SKIC3: variants seen among roughly 807,000 people sequenced by gnomAD.
The protein encoded by SKIC3 is SKI3 subunit of superkiller complex, also known as superkiller complex protein 3.
the SKIC3 span, chr5:95,523,542 G>T: frequency 7.6e-7 from 1 of 1,314,636 alleles, no homozygotes; most frequent in Non-Finnish European, 1.0e-6. Context: ...TATTTATATT[G>T]CACCTATAGA....
the SKIC3 span, among the ~76,000 whole-genome samples, chr5:95,466,469 C>A: frequency 3.9e-5 from 6 of 152,158 alleles, no homozygotes; most frequent in Admixed American, 2.0e-4. Flanking sequence ...CAGTACCCAC[C>A]CTCAACCCAC....
chr5:95,517,390 ATTAC>A, the SKIC3 span: 1 of 1,540,742 alleles, frequency 6.5e-7, no homozygotes, highest in Non-Finnish European at 8.8e-7. Context: ...CTCCCTGATT[ATTAC>A]TTAAAACAGA....
the SKIC3 span, among the ~76,000 whole-genome samples, chr5:95,466,678 C>T: frequency 1.6e-3 from 247 of 152,304 alleles, no homozygotes; most frequent in Non-Finnish European, 3.1e-3. Context: ...TGGACATTCT[C>T]TCCTTTGGTT....
the SKIC3 span, among the ~76,000 whole-genome samples, chr5:95,503,252 T>C: frequency 3.3e-5 from 5 of 152,218 alleles, no homozygotes; most frequent in African/African-American, 9.6e-5. Context: ...GGAATCTATA[T>C]GGGGATCTAG....
chr5:95,548,411 T>C, the SKIC3 span: 1 of 151,988 alleles, frequency 6.6e-6, no homozygotes, highest in Non-Finnish European at 1.5e-5. Flanking sequence ...TTCAAAATAA[T>C]AGAAAAATTA....
the SKIC3 span, chr5:95,525,729 T>C: frequency 6.5e-7 from 1 of 1,537,336 alleles, no homozygotes; most frequent in African/African-American, 1.4e-5. Flanking sequence ...ACCACAGCAA[T>C]GTTTGCTTTA....
At chr5:95,474,208 C>A in the SKIC3 span, among the ~76,000 whole-genome samples, 1 of 152,122 alleles carries the variant, frequency 6.6e-6, no homozygotes, top group African/African-American at 2.4e-5. Context: ...TGTCAAAGAT[C>A]AGATGGTTGT....
At chr5:95,522,068 A>C in the SKIC3 span, 1 of 1,613,602 alleles carries the variant, frequency 6.2e-7, no homozygotes, top group Non-Finnish European at 8.5e-7. Context: ...TAAAGCAGGC[A>C]CATAATCTTC....
At chr5:95,505,674 G>A in the SKIC3 span, among the ~76,000 whole-genome samples, 8 of 152,068 alleles carry the variant, frequency 5.3e-5, no homozygotes, top group East Asian at 1.9e-4. Flanking sequence ...TTAGCTGGGC[G>A]TGGTGGTGGG....
chr5:95,530,550 G>C, the SKIC3 span, among the ~76,000 whole-genome samples: 1 of 152,134 alleles, frequency 6.6e-6, no homozygotes, highest in Non-Finnish European at 1.5e-5. Context: ...GTCAAATGAA[G>C]GAGCCCTTGT....
chr5:95,541,360 C>T, the SKIC3 span: 1 of 1,613,730 alleles, frequency 6.2e-7, no homozygotes, highest in South Asian at 1.1e-5. Flanking sequence ...GCAGACATCA[C>T]ACCACTTCTG....
the SKIC3 span, chr5:95,528,863 T>C: frequency 6.8e-6 from 5 of 738,706 alleles, no homozygotes; most frequent in South Asian, 6.7e-5. Flanking sequence ...TTATTTAAAC[T>C]TATTGAAATT....
the SKIC3 span, among the ~76,000 whole-genome samples, chr5:95,524,970 A>AC: frequency 2.0e-5 from 3 of 151,694 alleles, no homozygotes; most frequent in South Asian, 6.3e-4. Flanking sequence ...TGCAACCTCC[A>AC]CCCCCCAGGT....
chr5:95,503,108 T>A, the SKIC3 span: 6 of 1,267,166 alleles, frequency 4.7e-6, no homozygotes, highest in African/African-American at 1.5e-5. Context: ...CTAAATACAA[T>A]TATATCTTTG....
chr5:95,479,222 CA>C, the SKIC3 span, among the ~76,000 whole-genome samples: 1 of 152,008 alleles, frequency 6.6e-6, no homozygotes. Flanking sequence ...AGAACAACAA[CA>C]AAAAATACCA....
the SKIC3 span, chr5:95,537,232 A>G: frequency 1.1e-5 from 12 of 1,096,496 alleles, no homozygotes; most frequent in African/African-American, 6.3e-5. Context: ...TACACGTTCA[A>G]TTAACTGCAA....
At chr5:95,549,183 G>C in the SKIC3 span, among the ~76,000 whole-genome samples, 3 of 151,988 alleles carry the variant, frequency 2.0e-5, no homozygotes, top group African/African-American at 7.2e-5. Context: ...CTTAAAAATG[G>C]AGTGAAGAAG....
At chr5:95,515,472 T>A in the SKIC3 span, among the ~76,000 whole-genome samples, 42 of 152,272 alleles carry the variant, frequency 2.8e-4, no homozygotes, top group Middle Eastern at 3.4e-3. Context: ...TTTTATTACA[T>A]ACTGCTTTAT....
the SKIC3 span, among the ~76,000 whole-genome samples, chr5:95,511,835 C>G: frequency 1.3e-5 from 2 of 152,062 alleles, no homozygotes; most frequent in Non-Finnish European, 2.9e-5. Flanking sequence ...GTAGCATGCC[C>G]AAGGTTTCAG....
Sources: allele counts gnomAD v4.1 joint callset (sites outside exome capture counted in the v4.1 genomes callset), GRCh38; gene constraint gnomAD v4.1.1; transcripts MANE v1.5; gene names NCBI Gene and HGNC (gene_info 2026-07-23, HGNC 2026-07-21).